The following RPS6KA2 variants were observed in gnomAD, a reference collection of about 807,000 sequenced individuals.
RPS6KA2 encodes the protein ribosomal protein S6 kinase alpha-2.
Under a neutral mutation model 91.8 loss-of-function variants are expected in RPS6KA2, and 42 were observed. The observed-to-expected ratio is 0.46, with a 90% CI of 0.36 to 0.59. RPS6KA2 has a LOEUF of 0.59. Among genes scored for constraint, RPS6KA2 ranks in the 20% least tolerant of loss-of-function variants. RPS6KA2 has a pLI of 0.00. For synonymous variants in RPS6KA2, 414 were observed against 393.6 expected (o/e 1.05, Z -0.61); for missense variants, 798 against 978.5 (o/e 0.82, Z 2.46).
intron 1 of RPS6KA2, among the ~76,000 whole-genome samples, chr6:166,550,994 C>CAAAAAAAAAAAAAAAAAAAAAAAAA (rs58796308): frequency 5.6e-5 from 6 of 106,372 alleles, no homozygotes; most frequent in Non-Finnish European, 8.0e-5. Flanking sequence ...GACTCTATCT[C>CAAAAAAAAAAAAAAAAAAAAAAAAA]AAAAAAAAAA....
At position 166,490,798 on chromosome 6, in the gene RPS6KA2, G is replaced by A. The variant is rs570382159; in HGVS notation, c.748-57C>T. 206 of 1,347,984 alleles carry A rather than the reference G, an allele frequency of 1.5e-4. 2 individuals carry two copies. In the East Asian group the frequency reaches 4.6e-3, roughly 30 times the overall value. The allele number at this position is 1,347,984 out of a possible 1,614,324, so 83.5% of individuals were successfully genotyped here. A position where few individuals can be genotyped will look rare whatever the true frequency, so the allele number is the denominator to read the frequency against. On this transcript the variant is annotated intron_variant, in intron 8 of 20. Transcript: ENST00000265678. The surrounding 1 kb of genome is among the most constrained non-coding windows in gnomAD (Gnocchi z 4.2). ...TTCATCCAGATGGACCCGGCTTCAC[G>A]GCAGAGTACCCCAGCAGGGCAGCCT...
intron 9 of RPS6KA2, among the ~76,000 whole-genome samples, chr6:166,489,437 C>T (rs1203083962): frequency 2.0e-5 from 3 of 152,130 alleles, no homozygotes; most frequent in Non-Finnish European, 2.9e-5. Flanking sequence ...CTGCAAACCC[C>T]GGGAGGGTCT....
Position 166,534,458 on chromosome 6 carries a change from A to G in RPS6KA2, c.217-3145T>C, listed in dbSNP as rs77615200. ...ACGGTGCAGCCTTCACAATATCCTGAGTGGGTCCGTACTTTCAATACCTCT... is the reference window on the plus strand; with the variant it reads ...ACGGTGCAGCCTTCACAATATCCTGGGTGGGTCCGTACTTTCAATACCTCT... On this transcript the variant is annotated intron_variant, in intron 2 of 20. Coordinates refer to ENST00000265678, the MANE Select transcript of RPS6KA2 (RefSeq NM_021135.6). Among the ~76,000 whole-genome samples, 79 of 152,216 alleles carry G rather than the reference A, an allele frequency of 5.2e-4. 5 individuals carry two copies. The East Asian group carries it at 0.014, about 28-fold the overall frequency.
In RPS6KA2 at chr6:166,423,032, T is replaced by C. The variant is rs1401032879; in HGVS notation, c.1743+224A>G. 6.6e-6 allele frequency among the ~76,000 whole-genome samples: 1 copy of C among 152,130 alleles called. No homozygotes were observed. The highest frequency in any genetic ancestry group is 1.5e-5 in the Non-Finnish European group (1 of 68,014). On this transcript the variant is annotated intron_variant, in intron 17 of 20. Transcript: ENST00000265678. This position sits in a 1 kb window ranked among gnomAD's most constrained non-coding sequence, Gnocchi z 4.8. ...ACATAAAAATGTTACTGTTGAAAAG[T>C]TTTTTCAAATGGGAAAATGAGAATG... is the stretch of plus-strand genomic sequence containing the variant.
chr6:166,741,477 A>C (rs1007557882), intron 2 of RPS6KA2, among the ~76,000 whole-genome samples: 6 of 152,244 alleles, frequency 3.9e-5, no homozygotes, highest in Admixed American at 3.9e-4. Context: ...TGCCACATCG[A>C]AAAACGGAAA....
In RPS6KA2 at chr6:166,570,117, G is replaced by A. The variant is rs556215824; in HGVS notation, c.100-31333C>T. On this transcript the variant is annotated intron_variant, in intron 1 of 20. Transcript: ENST00000265678. ...CAGTATGAGGGTGACAAAGGGACAC[G>A]TTCCCACAAAAGAAGCCTACTGAGT... 3.3e-5 allele frequency among the ~76,000 whole-genome samples: 5 copies of A among 152,326 alleles called. No homozygotes were observed. In the South Asian group the frequency reaches 6.2e-4, roughly 19 times the overall value.
At chr6:166,457,385 A>C (rs1386603718) in intron 12 of RPS6KA2, among the ~76,000 whole-genome samples, 2 of 152,230 alleles carry the variant, frequency 1.3e-5, no homozygotes, top group Non-Finnish European at 2.9e-5. Flanking sequence ...TAAGTTTGTC[A>C]ATGGGAAGGA....
chr6:166,702,262 G>C lies in RPS6KA2; in HGVS notation c.123+155938C>G, dbSNP rs184163192. 5.1e-5 allele frequency: 82 copies of C among 1,613,184 alleles called. No individual in the cohort carries two copies. The African/African-American group carries it at 9.7e-4, about 19-fold the overall frequency. ...GAGGCAAATCACATGGTTTCTGCTT[G>C]GACACGGATCCTGGAGACCCCTGCC... On this transcript the variant is annotated intron_variant, in intron 2 of 21. Transcript: ENST00000503859.
At chr6:166,862,406 G>T in exon 1 of RPS6KA2, 1 of 1,374,554 alleles carries the variant, frequency 7.3e-7, no homozygotes, top group Non-Finnish European at 9.4e-7. Flanking sequence ...CTCGGGCGCC[G>T]TCCCCTCCCT....
At chr6:166,759,153 C>G (rs1356924234) in intron 2 of RPS6KA2, among the ~76,000 whole-genome samples, 1 of 152,178 alleles carries the variant, frequency 6.6e-6, no homozygotes. Context: ...TAAATAACAA[C>G]TGAAAGGAGC....
At position 166,852,707 on chromosome 6, in the gene RPS6KA2, T is replaced by C. The variant is rs549215776; in HGVS notation, c.123+5493A>G. Among the ~76,000 whole-genome samples the C allele has an allele frequency of 5.3e-5, 8 of 152,232 alleles. No homozygotes were observed. Among genetic ancestry groups the C allele is most frequent in the African/African-American group, 1.7e-4 (7 of 41,556 alleles). ...AGCTGGGCATTGGAGGAGGCCACGC[T>C]GACACGCTCAGGAGCTCATCCCTGA... On this transcript the variant is annotated intron_variant, in intron 2 of 21. Transcript: ENST00000503859. This position sits in a 1 kb window ranked among gnomAD's most constrained non-coding sequence, Gnocchi z 4.1.
At position 166,504,566 on chromosome 6, in the gene RPS6KA2, G is replaced by A; in HGVS notation, c.506C>T (p.Ala169Val). 4 of 1,613,904 alleles carry A rather than the reference G, an allele frequency of 2.5e-6. No homozygotes were observed. Among genetic ancestry groups the A allele is most frequent in the African/African-American group, 1.3e-5 (1 of 75,006 alleles). Residue 169 changes from alanine to valine, a missense_variant, in exon 6 of 21, where the codon GCC (alanine) becomes GTC (valine). Coordinates refer to ENST00000265678, the MANE Select transcript of RPS6KA2 (RefSeq NM_021135.6). ...EDVKFYLAEL[A>V]LALDHLHSLG... is the part of the protein sequence containing the mutation. ...GCTGTGGAGATGGTCTAAAGCCAAGGCCAGCTCAGCCAGGTAGAACTTGAC... is the reference window on the plus strand; with the variant it reads ...GCTGTGGAGATGGTCTAAAGCCAAGACCAGCTCAGCCAGGTAGAACTTGAC...
intron 1 of RPS6KA2, among the ~76,000 whole-genome samples, chr6:166,581,565 G>T (rs1052903446): frequency 1.2e-4 from 19 of 152,122 alleles, no homozygotes; most frequent in African/African-American, 4.6e-4. Context: ...CCGAGAGGCC[G>T]GCTTCGAGTA....
chr6:166,680,923 T>C (rs13200303), intron 2 of RPS6KA2, among the ~76,000 whole-genome samples: 9,251 of 152,276 alleles, frequency 0.061, 833 homozygotes, highest in African/African-American at 0.19. Flanking sequence ...TCAGCCTTGC[T>C]GCCCCTCTCC....
At chr6:166,526,088 G>A (rs79607425) in intron 3 of RPS6KA2, among the ~76,000 whole-genome samples, 2,071 of 149,036 alleles carry the variant, frequency 0.014, 16 homozygotes, top group Non-Finnish European at 0.024. Context: ...ACATAACTCC[G>A]CTGCATCATG....
At position 166,694,475 on chromosome 6, in the gene RPS6KA2, G is replaced by A. The variant is rs537658599; in HGVS notation, c.124-155691C>T. ...TAACTAAATTGTGGAGAGATTTCTA[G>A]TAACGTCCAGGATAAAAAAATGTCT... On this transcript the variant is annotated intron_variant, in intron 2 of 21. Transcript: ENST00000503859. 7.9e-5 allele frequency among the ~76,000 whole-genome samples: 12 copies of A among 152,310 alleles called. No homozygotes were observed. In the South Asian group the frequency reaches 2.5e-3, roughly 32 times the overall value.
At chr6:166,515,152 A>G (rs1352056410) in intron 3 of RPS6KA2, among the ~76,000 whole-genome samples, 1 of 152,184 alleles carries the variant, frequency 6.6e-6, no homozygotes, top group Middle Eastern at 3.2e-3. Flanking sequence ...TGTGGTCCAC[A>G]GTGGGAAGAC....
intron 3 of RPS6KA2, among the ~76,000 whole-genome samples, chr6:166,528,161 C>G (rs1026421232): frequency 1.3e-5 from 2 of 152,164 alleles, no homozygotes; most frequent in Non-Finnish European, 2.9e-5. Flanking sequence ...TCAGATGATC[C>G]TGCACTAACA....
Position 166,434,186 on chromosome 6 carries a change from C to A in RPS6KA2, c.1333-1696G>T, listed in dbSNP as rs1779222430. On this transcript the variant is annotated intron_variant, in intron 14 of 20. Coordinates refer to ENST00000265678, the MANE Select transcript of RPS6KA2 (RefSeq NM_021135.6). The surrounding 1 kb of genome is among the most constrained non-coding windows in gnomAD (Gnocchi z 4.4). Reference sequence around the variant, plus strand: ...AAACTCACCATAGTGCCAGTTCTCACCCCATTATAGTTTCAAAGGATGCTC... The same window carrying A: ...AAACTCACCATAGTGCCAGTTCTCAACCCATTATAGTTTCAAAGGATGCTC... Among the ~76,000 whole-genome samples, 1 of 152,218 alleles carries A rather than the reference C, an allele frequency of 6.6e-6. No homozygotes were observed. Among genetic ancestry groups the A allele is most frequent in the Admixed American group, 6.5e-5 (1 of 15,276 alleles).
Sources: allele counts gnomAD v4.1 joint callset (sites outside exome capture counted in the v4.1 genomes callset), GRCh38; gene constraint gnomAD v4.1.1; non-coding constraint Gnocchi (gnomAD v3.1); transcripts MANE v1.5; gene names NCBI Gene and HGNC (gene_info 2026-07-23, HGNC 2026-07-21).